Variants in GALNT10 observed in about 807,000 individuals in gnomAD.
GALNT10 encodes the protein polypeptide N-acetylgalactosaminyltransferase 10, also known as GalNAc transferase 10.
A neutral mutation model predicts 75.0 loss-of-function variants in GALNT10; 41 were observed. The observed-to-expected ratio is 0.55, with a 90% CI of 0.43 to 0.71. The LOEUF (loss-of-function observed/expected upper bound fraction) is 0.71, where lower values mean the gene tolerates loss of function less well. Ranked by LOEUF, GALNT10 falls within the 30% of genes least tolerant of loss-of-function variation. The pLI is 0.00. For synonymous variants in GALNT10, 302 were observed against 313.0 expected (o/e 0.96, Z 0.37); for missense variants, 727 against 818.5 (o/e 0.89, Z 1.36).
chr5:154,409,638 C>T lies in GALNT10; in HGVS notation c.1262C>T (p.Ala421Val). 1 of 1,613,728 alleles carries T rather than the reference C, an allele frequency of 6.2e-7. No homozygotes were observed. The highest frequency in any genetic ancestry group is 1.7e-4 in the Middle Eastern group (1 of 6,060). ...EYRHLSAGDVAVQKKLRSSLN... is the reference protein window; with the variant it reads ...EYRHLSAGDVVVQKKLRSSLN... ...CGCCACCTCTCCGCTGGGGATGTCG[C>T]AGTCCAGAAAAAGCTCCGCAGCTCC... Residue 421 changes from alanine (A) to valine (V), a missense_variant, in exon 9 of 12, where the codon GCA becomes GTA. Coordinates refer to ENST00000297107, the MANE Select transcript of GALNT10 (RefSeq NM_198321.4). This position sits in a 1 kb window ranked among gnomAD's most constrained non-coding sequence, Gnocchi z 4.5.
Position 154,412,662 on chromosome 5 carries a change from T to A in GALNT10, c.1387-227T>A. The A allele has an allele frequency of 2.1e-6, 1 of 472,358 alleles. No individual in the cohort carries two copies. The highest frequency in any genetic ancestry group is 2.0e-5 in the African/African-American group (1 of 50,582). 29.3% of individuals were successfully genotyped at this position (472,358 alleles called of 1,614,324 possible). ...CACCAACCCAGGACTCTGCATACTC[T>A]ACAATACTACTTACAGCAGTGCTTT... On this transcript the variant is annotated intron_variant, in intron 9 of 11. Coordinates refer to ENST00000297107, the MANE Select transcript of GALNT10 (RefSeq NM_198321.4). The surrounding 1 kb of genome is among the most constrained non-coding windows in gnomAD (Gnocchi z 4.2).
At chr5:154,204,071 G>A (rs529412847) in intron 1 of GALNT10, among the ~76,000 whole-genome samples, 2 of 152,310 alleles carry the variant, frequency 1.3e-5, no homozygotes, top group South Asian at 2.1e-4. Flanking sequence ...TTTTCATGAT[G>A]AAAGAGCCCT....
intron 1 of GALNT10, among the ~76,000 whole-genome samples, chr5:154,193,600 C>T (rs1372598083): frequency 6.6e-6 from 1 of 152,196 alleles, no homozygotes; most frequent in Non-Finnish European, 1.5e-5. Flanking sequence ...TTGAGCATCT[C>T]GTTGATCCTT....
intron 1 of GALNT10, among the ~76,000 whole-genome samples, chr5:154,248,704 C>A (rs980751743): frequency 2.0e-5 from 3 of 152,062 alleles, no homozygotes; most frequent in Non-Finnish European, 4.4e-5. Flanking sequence ...TCTCTCTTTT[C>A]TTCTTTATTA....
chr5:154,215,682 A>G lies in GALNT10; in HGVS notation c.159+24657A>G, dbSNP rs148885689. ...ACAGCAAAAGAATACTGTCATGGTT[A>G]AAAATGAATAAACATGCCACAGCAT... On this transcript the variant is annotated intron_variant, in intron 1 of 11. Transcript: ENST00000297107. Among the ~76,000 whole-genome samples, 489 of 152,330 alleles carry G rather than the reference A, an allele frequency of 3.2e-3. 2 individuals are homozygous for G. The highest frequency in any genetic ancestry group is 0.011 in the African/African-American group (473 of 41,564).
intron 1 of GALNT10, among the ~76,000 whole-genome samples, chr5:154,288,334 C>T (rs1754142593): frequency 6.6e-6 from 1 of 151,938 alleles, no homozygotes; most frequent in East Asian, 1.9e-4. Context: ...TGGCTTGCTT[C>T]ACCACCATTC....
intron 3 of GALNT10, among the ~76,000 whole-genome samples, chr5:154,310,161 G>T (rs895205743): frequency 6.6e-6 from 1 of 152,146 alleles, no homozygotes; most frequent in Admixed American, 6.5e-5. Flanking sequence ...ATAGAGACAG[G>T]CTTCAAAGAC....
intron 3 of GALNT10, among the ~76,000 whole-genome samples, chr5:154,307,332 G>A (rs920141368): frequency 2.0e-5 from 3 of 152,142 alleles, no homozygotes; most frequent in South Asian, 2.1e-4. Context: ...AATTCTGGCC[G>A]GGTGTGGTGG....
At chr5:154,378,768 C>T (rs886749162) in intron 5 of GALNT10, among the ~76,000 whole-genome samples, 6 of 152,230 alleles carry the variant, frequency 3.9e-5, no homozygotes, top group African/African-American at 1.4e-4. Flanking sequence ...CAGGTGGGCA[C>T]AGTGCCTTAG....
chr5:154,241,813 A>G (rs1373941519), intron 1 of GALNT10, among the ~76,000 whole-genome samples: 1 of 152,220 alleles, frequency 6.6e-6, no homozygotes, highest in Non-Finnish European at 1.5e-5. Context: ...TCTCTTCAAC[A>G]CATATTGGCT....
chr5:154,225,183 C>T (rs181182056), intron 1 of GALNT10, among the ~76,000 whole-genome samples: 3 of 151,810 alleles, frequency 2.0e-5, no homozygotes, highest in African/African-American at 7.3e-5. Flanking sequence ...AGCTCCGCCT[C>T]TTGGGTTCAC....
At chr5:154,278,526 GGGA>G (rs776712599) in intron 1 of GALNT10, among the ~76,000 whole-genome samples, 1 of 152,158 alleles carries the variant, frequency 6.6e-6, no homozygotes, top group Non-Finnish European at 1.5e-5. Flanking sequence ...TTTTTTAGAG[GGGA>G]GGAGAAGGGA....
rs114201690 is a variant in GALNT10 at position 154,409,791 on chromosome 5, T to A, written c.1386+29T>A. The A allele has an allele frequency of 1.7e-3, 2,398 of 1,442,610 alleles. 41 individuals are homozygous for A. In the African/African-American group the frequency reaches 0.029, roughly 18 times the overall value. 89.4% of individuals were successfully genotyped at this position (1,442,610 alleles called of 1,614,324 possible). Reference sequence around the variant, plus strand: ...AGTCTGGAGGGCAGGGCTGGCTCCATAATTTAATGGGTGTGCAAAATGCAA... The same window carrying A: ...AGTCTGGAGGGCAGGGCTGGCTCCAAAATTTAATGGGTGTGCAAAATGCAA... On this transcript the variant is annotated intron_variant, in intron 9 of 11. Coordinates refer to ENST00000297107, the MANE Select transcript of GALNT10 (RefSeq NM_198321.4). The surrounding 1 kb of genome is among the most constrained non-coding windows in gnomAD (Gnocchi z 4.5).
chr5:154,293,870 G>A (rs1387697836), intron 1 of GALNT10, among the ~76,000 whole-genome samples: 1 of 151,960 alleles, frequency 6.6e-6, no homozygotes, highest in African/African-American at 2.4e-5. Flanking sequence ...CAGCCCAAAT[G>A]CACTCAGGTC....
At chr5:154,248,933 G>T (rs960952183) in intron 1 of GALNT10, among the ~76,000 whole-genome samples, 2 of 152,320 alleles carry the variant, frequency 1.3e-5, no homozygotes, top group Non-Finnish European at 2.9e-5. Flanking sequence ...TAGGCTCCAG[G>T]CTCCAGATAA....
chr5:154,328,138 G>T (rs1754784745), intron 3 of GALNT10, among the ~76,000 whole-genome samples: 1 of 151,806 alleles, frequency 6.6e-6, no homozygotes, highest in African/African-American at 2.4e-5. Context: ...GGAGACGCAT[G>T]AGCTGTATGC....
chr5:154,361,329 A>G (rs1755383276), intron 4 of GALNT10, among the ~76,000 whole-genome samples: 1 of 152,308 alleles, frequency 6.6e-6, no homozygotes, highest in East Asian at 1.9e-4. Context: ...ACCAGCAATG[A>G]TAAGATCCTC....
intron 1 of GALNT10, among the ~76,000 whole-genome samples, chr5:154,236,808 C>T (rs983940758): frequency 6.6e-6 from 1 of 152,202 alleles, no homozygotes; most frequent in African/African-American, 2.4e-5. Context: ...AAACTGAGAT[C>T]CCCCAGGGTG....
At chr5:154,328,314 C>T (rs765764716) in intron 3 of GALNT10, among the ~76,000 whole-genome samples, 7 of 152,096 alleles carry the variant, frequency 4.6e-5, no homozygotes, top group Non-Finnish European at 8.8e-5. Context: ...CAGGGCCTTC[C>T]ACCCCTAAGC....
Sources: gnomAD v4.1 joint callset for allele counts (sites outside exome capture counted in the v4.1 genomes callset) on GRCh38, gnomAD v4.1.1 for gene constraint, Gnocchi (gnomAD v3.1) non-coding constraint, MANE v1.5 for transcripts, NCBI Gene and HGNC (gene_info 2026-07-23, HGNC 2026-07-21) for gene names.